Variants in PCDHA6 observed in about 807,000 individuals in gnomAD.
The protein encoded by PCDHA6 is protocadherin alpha 6, also known as protocadherin alpha-6.
In PCDHA6, 55 loss-of-function variants were observed where a neutral mutation model predicts 60.3. That is an observed-to-expected ratio of 0.91 (90% CI 0.73 to 1.14). PCDHA6 has a LOEUF of 1.14. Among genes scored for constraint, PCDHA6 ranks in the 50% most tolerant of loss-of-function variants. The pLI, the probability that PCDHA6 is intolerant of heterozygous loss-of-function variation, is 0.00. For missense variants in PCDHA6, 1,327 were observed against 1,256.5 expected, an observed-to-expected ratio of 1.06 and a Z score of -0.85; for synonymous variants, 652 against 557.9, an observed-to-expected ratio of 1.17 and a Z score of -2.38.
intron 1 of PCDHA6, chr5:140,875,208 C>T (rs1297860404): frequency 3.0e-6 from 2 of 668,426 alleles, no homozygotes; most frequent in Non-Finnish European, 2.2e-6. Context: ...GTGGCTAAAC[C>T]GAAAAGAACC....
intron 1 of PCDHA6, among the ~76,000 whole-genome samples, chr5:140,908,581 G>A (rs2074042639): frequency 6.6e-6 from 1 of 152,178 alleles, no homozygotes; most frequent in Non-Finnish European, 1.5e-5. Context: ...AAGGAGAGTA[G>A]TTAGCTGCAG....
intron 1 of PCDHA6, among the ~76,000 whole-genome samples, chr5:140,839,342 G>T (rs1463316254): frequency 6.6e-6 from 1 of 150,532 alleles, no homozygotes; most frequent in East Asian, 2.0e-4. Context: ...GTTGATAGGG[G>T]ATCCTCCTTA....
At chr5:140,853,256 C>T (rs943963814) in intron 1 of PCDHA6, 1 of 973,952 alleles carries the variant, frequency 1.0e-6, no homozygotes, top group Non-Finnish European at 1.2e-6. Context: ...TCTATTCTCT[C>T]TCAGAGTACA....
At chr5:140,951,751 C>T (rs1206749897) in intron 1 of PCDHA6, among the ~76,000 whole-genome samples, 2 of 152,112 alleles carry the variant, frequency 1.3e-5, no homozygotes, top group Non-Finnish European at 2.9e-5. Flanking sequence ...CCTCACCCTC[C>T]GCGAAATCTC....
chr5:140,877,389 G>A (rs1554169667), intron 1 of PCDHA6: 3 of 1,613,994 alleles, frequency 1.9e-6, no homozygotes, highest in South Asian at 1.1e-5. Flanking sequence ...TCCTGGATGA[G>A]GCGGACGCTC....
intron 3 of PCDHA6, among the ~76,000 whole-genome samples, chr5:140,995,133 T>C (rs1397108502): frequency 6.6e-6 from 1 of 152,230 alleles, no homozygotes; most frequent in Non-Finnish European, 1.5e-5. Flanking sequence ...TGAAACCTCA[T>C]TTAGTACTGA....
In PCDHA6 at chr5:141,009,879, A is replaced by T. The variant is rs2098415109; in HGVS notation, c.2795A>T (p.Asn932Ile). The T allele has an allele frequency of 1.2e-6, 2 of 1,613,766 alleles. No individual in the cohort carries two copies. The highest frequency in any genetic ancestry group is 3.3e-5 in the Admixed American group (2 of 59,900). Reference sequence around the variant, plus strand: ...AAAAAGAAGAAAAAGAAGAAGGGTAACAAGACCCAGGAGAAAAAAGAGAAA... The same window carrying T: ...AAAAAGAAGAAAAAGAAGAAGGGTATCAAGACCCAGGAGAAAAAAGAGAAA... The part of the protein sequence containing the change: ...TKKKKKKKKG[N>I]KTQEKKEKGN... Residue 932 changes from asparagine to isoleucine, a missense_variant, in exon 4 of 4, where the codon AAC (asparagine) becomes ATC (isoleucine). Coordinates refer to ENST00000529310, the MANE Select transcript of PCDHA6 (RefSeq NM_018909.4).
At chr5:141,009,255 G>A (rs2098403504) in intron 3 of PCDHA6, among the ~76,000 whole-genome samples, 1 of 152,162 alleles carries the variant, frequency 6.6e-6, no homozygotes. Context: ...CAGTGTTTGA[G>A]ACCAGCCTGG....
intron 1 of PCDHA6, among the ~76,000 whole-genome samples, chr5:140,964,195 T>C (rs2095816434): frequency 6.6e-6 from 1 of 152,216 alleles, no homozygotes; most frequent in South Asian, 2.1e-4. Context: ...AAATAGAGTA[T>C]ACCATCTCTT....
At chr5:140,899,795 G>A (rs551068307) in intron 1 of PCDHA6, among the ~76,000 whole-genome samples, 59 of 152,222 alleles carry the variant, frequency 3.9e-4, no homozygotes, top group Non-Finnish European at 7.5e-4. Flanking sequence ...ATTCGGCTGT[G>A]AATCCAATAT....
chr5:140,992,017 CTGTGTGTGTG>C (rs10602499), intron 3 of PCDHA6, among the ~76,000 whole-genome samples: 1 of 145,512 alleles, frequency 6.9e-6, no homozygotes, highest in Non-Finnish European at 1.5e-5. Context: ...AGAGGTGGCT[CTGTGTGTGTG>C]TGTGTGTGTG....
At chr5:140,966,955 C>T in intron 1 of PCDHA6, 1 of 1,602,734 alleles carries the variant, frequency 6.2e-7, no homozygotes, top group East Asian at 2.2e-5. Context: ...ACGTGGCTCG[C>T]GCGCTGGGGC....
chr5:140,992,382 G>A (rs1275662967), intron 3 of PCDHA6, among the ~76,000 whole-genome samples: 3 of 152,140 alleles, frequency 2.0e-5, no homozygotes, highest in Non-Finnish European at 4.4e-5. Flanking sequence ...ACATTATTGT[G>A]TTCTGGACTT....
chr5:140,966,945 A>G, intron 1 of PCDHA6: 1 of 1,603,804 alleles, frequency 6.2e-7, no homozygotes, highest in Non-Finnish European at 8.5e-7. Flanking sequence ...CTCGTGGGCA[A>G]CGTGGCTCGC....
Position 140,862,324 on chromosome 5 carries a change from T to C in PCDHA6, c.2394+31839T>C, listed in dbSNP as rs536000037. On this transcript the variant is annotated intron_variant, in intron 1 of 3. Coordinates refer to ENST00000529310, the MANE Select transcript of PCDHA6 (RefSeq NM_018909.4). ...TGGGTACCGTCATAGCCCTAATCAGTGTAATTGACCCTAACTTCAGTGCCA... is the reference window on the plus strand; with the variant it reads ...TGGGTACCGTCATAGCCCTAATCAGCGTAATTGACCCTAACTTCAGTGCCA... 7 of 322,970 alleles carry C rather than the reference T, an allele frequency of 2.2e-5. No individual in the cohort carries two copies. In the East Asian group the frequency reaches 4.7e-4, roughly 22 times the overall value. 20.0% of individuals were successfully genotyped at this position (322,970 alleles called of 1,614,324 possible). A position where few individuals can be genotyped will look rare whatever the true frequency, so the allele number is the denominator to read the frequency against.
chr5:140,971,332 A>G (rs1229650076), intron 1 of PCDHA6, among the ~76,000 whole-genome samples: 3 of 152,242 alleles, frequency 2.0e-5, no homozygotes, highest in Non-Finnish European at 4.4e-5. Context: ...AAATTATTTC[A>G]GAAAGTGCTT....
intron 1 of PCDHA6, among the ~76,000 whole-genome samples, chr5:140,949,279 A>T (rs2094358116): frequency 6.6e-6 from 1 of 151,848 alleles, no homozygotes; most frequent in African/African-American, 2.4e-5. Flanking sequence ...CTTGAAAAGA[A>T]TGTATATTCT....
Position 140,870,561 on chromosome 5 carries a change from C to A in PCDHA6, c.2394+40076C>A, listed in dbSNP as rs544569992. On this transcript the variant is annotated intron_variant, in intron 1 of 3. Transcript: ENST00000529310. Reference sequence around the variant, plus strand: ...CGCGGGACGCGGACGCGCAGGAGAACGCGCTGGTGTCCTACTCGCTGGTGG... The same window carrying A: ...CGCGGGACGCGGACGCGCAGGAGAAAGCGCTGGTGTCCTACTCGCTGGTGG... 86 of 1,614,010 alleles carry A rather than the reference C, an allele frequency of 5.3e-5. No homozygotes were observed. In the East Asian group the frequency reaches 1.7e-3, roughly 33 times the overall value.
intron 1 of PCDHA6, among the ~76,000 whole-genome samples, chr5:140,975,382 A>G (rs1219046015): frequency 1.3e-5 from 2 of 152,258 alleles, no homozygotes; most frequent in African/African-American, 4.8e-5. Flanking sequence ...AATCATGGGA[A>G]TAAGATCCAT....
Sources: gnomAD v4.1 joint callset for allele counts (sites outside exome capture counted in the v4.1 genomes callset) on GRCh38, gnomAD v4.1.1 for gene constraint, MANE v1.5 for transcripts, NCBI Gene and HGNC (gene_info 2026-07-23, HGNC 2026-07-21) for gene names.